The following PDE6B variants were observed in gnomAD, a reference collection of about 807,000 sequenced individuals.
PDE6B encodes phosphodiesterase 6B, also known as rod cGMP-specific 3',5'-cyclic phosphodiesterase subunit beta.
A neutral mutation model predicts 109.0 loss-of-function variants in PDE6B; 106 were observed. The ratio of observed to expected loss-of-function variants is 0.97; its 90% confidence interval spans 0.83 to 1.14. PDE6B has a LOEUF of 1.14. Ranked by LOEUF, PDE6B falls within the 50% of genes most tolerant of loss-of-function variation. The pLI, the probability that PDE6B is intolerant of heterozygous loss-of-function variation, is 0.00. For synonymous variants in PDE6B, 490 were observed against 471.3 expected, an observed-to-expected ratio of 1.04 and a Z score of -0.51; for missense variants, 1,193 against 1,155.6, an observed-to-expected ratio of 1.03 and a Z score of -0.47.
At chr4:657,264 C>T (rs891236317) in intron 9 of PDE6B, 87 bp from the exon 10 acceptor site, 17 of 1,500,870 alleles carry the variant, frequency 1.1e-5, no homozygotes, top group South Asian at 8.1e-5. Context: ...AGGACCTGCC[C>T]GCCGAGCCAC....
At position 665,891 on chromosome 4, in the gene PDE6B, G is replaced by A. The variant is rs535070653; in HGVS notation, c.2268+562G>A. Among the ~76,000 whole-genome samples the A allele has an allele frequency of 6.6e-6, 1 of 152,298 alleles. No individual in the cohort carries two copies. Among genetic ancestry groups the A allele is most frequent in the East Asian group, 1.9e-4 (1 of 5,172 alleles). ...TTCTCACACACCCGCTCTGGTGGGCGGCGAGGGGCTCTCTGGAGCCTGCAG... is the reference window on the plus strand; with the variant it reads ...TTCTCACACACCCGCTCTGGTGGGCAGCGAGGGGCTCTCTGGAGCCTGCAG... On this transcript the variant is annotated intron_variant, in intron 19 of 21. Coordinates refer to ENST00000496514, the MANE Select transcript of PDE6B (RefSeq NM_000283.4). This position sits in a 1 kb window ranked among gnomAD's most constrained non-coding sequence, Gnocchi z 4.0.
chr4:640,032 G>A (rs1734872854), intron 3 of PDE6B, among the ~76,000 whole-genome samples: 1 of 152,076 alleles, frequency 6.6e-6, no homozygotes, highest in Non-Finnish European at 1.5e-5. Flanking sequence ...GAGACCAGGA[G>A]CAGTGGCTCA....
chr4:658,361 C>T (rs1166684635), intron 10 of PDE6B, among the ~76,000 whole-genome samples: 1 of 128,616 alleles, frequency 7.8e-6, no homozygotes, highest in African/African-American at 3.0e-5. Context: ...GCAGGTCACC[C>T]AGGGGTCACA....
Position 662,535 on chromosome 4 carries a change from G to T in PDE6B, c.1749G>T (p.Thr583=), listed in dbSNP as rs139938205. The T allele has an allele frequency of 1.2e-5, 19 of 1,612,582 alleles. No individual in the cohort carries two copies. The highest frequency in any genetic ancestry group is 1.5e-5 in the Non-Finnish European group (18 of 1,179,492). Residue 583 remains threonine, a synonymous_variant, in exon 14 of 22, where the codon ACG becomes ACT. Transcript: ENST00000496514. This position sits in a 1 kb window ranked among gnomAD's most constrained non-coding sequence, Gnocchi z 4.3. ...LMTGKLKSYY[T]DLEAFAMVTA... The stretch of plus-strand genomic sequence containing the variant: ...CCGGCAAACTGAAGAGCTACTACAC[G>T]GACCTGGAGGCCTTCGCCATGGTGA...
At chr4:644,158 C>T (rs1735088605) in intron 3 of PDE6B, among the ~76,000 whole-genome samples, 1 of 151,900 alleles carries the variant, frequency 6.6e-6, no homozygotes, top group Non-Finnish European at 1.5e-5. Flanking sequence ...ACCTCGTGAT[C>T]TGCCCGCCTC....
chr4:632,754 C>T (rs1238940308), intron 1 of PDE6B, among the ~76,000 whole-genome samples: 1 of 150,454 alleles, frequency 6.6e-6, no homozygotes, highest in Non-Finnish European at 1.5e-5. Context: ...TGTGTGGATC[C>T]ATGTGGCACC....
Position 625,663 on chromosome 4 carries a change from G to A in PDE6B, c.37G>A (p.Asp13Asn), listed in dbSNP as rs1285867711. Reference sequence around the variant, plus strand: ...TGAGGAGCAGGCCCGGAGCTTTCTGGACCAGAACCCCGATTTTGCCCGCCA... The same window carrying A: ...TGAGGAGCAGGCCCGGAGCTTTCTGAACCAGAACCCCGATTTTGCCCGCCA... The part of the protein sequence containing the change: ...LSEEQARSFL[D>N]QNPDFARQYF... The change falls in exon 1 of 22, where the codon GAC becomes AAC. Residue 13 changes from aspartate to asparagine, a missense_variant. Coordinates refer to ENST00000496514, the MANE Select transcript of PDE6B (RefSeq NM_000283.4). The surrounding 1 kb of genome is among the most constrained non-coding windows in gnomAD (Gnocchi z 5.0). 1 of 1,613,980 alleles carries A rather than the reference G, an allele frequency of 6.2e-7. No individual in the cohort carries two copies. Among genetic ancestry groups the A allele is most frequent in the Admixed American group, 1.7e-5 (1 of 60,024 alleles).
intron 3 of PDE6B, among the ~76,000 whole-genome samples, chr4:642,306 C>T (rs1734983195): frequency 6.6e-6 from 1 of 151,844 alleles, no homozygotes; most frequent in Non-Finnish European, 1.5e-5. Flanking sequence ...AAACCCCCAT[C>T]TCTACTAAAA....
At position 634,838 on chromosome 4, in the gene PDE6B, G is replaced by T. The variant is rs1360878639; in HGVS notation, c.621+9G>T. Reference sequence around the variant, plus strand: ...CCAGCGAAGACGAAGATGTGAGTGTGGGGGGCACCTGGGCAGCCGCGCGTC... The same window carrying T: ...CCAGCGAAGACGAAGATGTGAGTGTTGGGGGCACCTGGGCAGCCGCGCGTC... On this transcript the variant is annotated intron_variant, in intron 2 of 21. Transcript: ENST00000496514. 6 of 1,612,758 alleles carry T rather than the reference G, an allele frequency of 3.7e-6. No homozygotes were observed. Among genetic ancestry groups the T allele is most frequent in the Non-Finnish European group, 5.1e-6 (6 of 1,178,840 alleles).
At chr4:654,471 G>A in intron 5 of PDE6B, 2 of 596,042 alleles carry the variant, frequency 3.4e-6, no homozygotes, top group South Asian at 3.8e-5. Context: ...GCGTGTGTGT[G>A]TGTGTGTGTG....
intron 11 of PDE6B, 25 bp from the exon 12 acceptor site, chr4:660,442 C>G (rs745399835): frequency 6.2e-7 from 1 of 1,613,090 alleles, no homozygotes; most frequent in South Asian, 1.1e-5. Context: ...GGCCAACCTC[C>G]CTCAGCCCAC....
Position 670,527 on chromosome 4 carries a change from C to T in PDE6B, c.*420C>T. ...GAAGTGCTGGGATTACAGGCATGAG[C>T]CACCACGCCCAGCCTGTTTTTATAA... On this transcript the variant is annotated 3_prime_UTR_variant, in exon 22 of 22. Coordinates refer to ENST00000496514, the MANE Select transcript of PDE6B (RefSeq NM_000283.4). The T allele has an allele frequency of 1.4e-5, 3 of 219,514 alleles. No individual in the cohort carries two copies. The highest frequency in any genetic ancestry group is 2.8e-5 in the Non-Finnish European group (3 of 107,498). 13.6% of individuals were successfully genotyped at this position (219,514 alleles called of 1,614,324 possible). A position where few individuals can be genotyped will look rare whatever the true frequency, so the allele number is the denominator to read the frequency against.
chr4:625,741 G>C lies in PDE6B; in HGVS notation c.115G>C (p.Gly39Arg). ...PENVAAACED[G>R]CPPDCDSLRD... ...GAATGTGGCCGCGGCCTGCGAGGAC[G>C]GGTGCCCGCCGGACTGCGACAGCCT... is the stretch of plus-strand genomic sequence containing the variant. Residue 39 changes from glycine (G) to arginine (R), a missense_variant, in exon 1 of 22, where the codon GGG becomes CGG. Physicochemically the swap from Gly to Arg is moderately radical, Grantham distance 125. Coordinates refer to ENST00000496514, the MANE Select transcript of PDE6B (RefSeq NM_000283.4). This position sits in a 1 kb window ranked among gnomAD's most constrained non-coding sequence, Gnocchi z 5.0. 1 of 1,613,432 alleles carries C rather than the reference G, an allele frequency of 6.2e-7. No individual in the cohort carries two copies. The highest frequency in any genetic ancestry group is 1.3e-5 in the African/African-American group (1 of 75,070).
At chr4:649,594 A>G (rs963328683) in intron 3 of PDE6B, among the ~76,000 whole-genome samples, 9 of 151,662 alleles carry the variant, frequency 5.9e-5, no homozygotes, top group Admixed American at 2.6e-4. Context: ...AAGACTGTTC[A>G]CTGGTGGACC....
intron 3 of PDE6B, among the ~76,000 whole-genome samples, chr4:651,367 G>A (rs996853985): frequency 9.2e-5 from 14 of 152,278 alleles, no homozygotes; most frequent in Admixed American, 9.1e-4. Context: ...TCCTCAGGGG[G>A]GGCCTCCTGG....
intron 3 of PDE6B, among the ~76,000 whole-genome samples, chr4:638,568 C>T (rs1734802532): frequency 6.6e-6 from 1 of 152,212 alleles, no homozygotes; most frequent in African/African-American, 2.4e-5. Flanking sequence ...AATGATCCTC[C>T]TGCCTCGGCC....
intron 1 of PDE6B, among the ~76,000 whole-genome samples, chr4:627,876 GTC>G (rs1734193462): frequency 6.6e-6 from 1 of 151,946 alleles, no homozygotes; most frequent in African/African-American, 2.4e-5. Context: ...GGCTGATGGT[GTC>G]TCTTCCCTGC....
Position 669,704 on chromosome 4 carries a change from C to G in PDE6B, c.2504-342C>G, listed in dbSNP as rs372201206. 1.0e-4 allele frequency among the ~76,000 whole-genome samples: 11 copies of G among 106,532 alleles called. No individual in the cohort carries two copies. In the East Asian group the frequency reaches 2.2e-3, roughly 22 times the overall value. The allele number at this position is 106,532 out of a possible 152,430, so 69.9% of individuals were successfully genotyped here. On this transcript the variant is annotated intron_variant, in intron 21 of 21. Coordinates refer to ENST00000496514, the MANE Select transcript of PDE6B (RefSeq NM_000283.4). Reference sequence around the variant, plus strand: ...CGCTACCCCATGCTATTCCCGCTACCCCATGCTATTCCCGCTACCCCATGC... The same window carrying G: ...CGCTACCCCATGCTATTCCCGCTACGCCATGCTATTCCCGCTACCCCATGC...
Position 660,597 on chromosome 4 carries a change from TCCAGATCCC to T in PDE6B, c.1603_1611del (p.Ile535_Gln537del). ...TACGAGCTGGGCGTGGTCCGAAAGT[TCCAGATCCC>T]CCAGGAGGTGGGAGACACCGCAGGG... is the stretch of plus-strand genomic sequence containing the variant. On this transcript the variant is annotated inframe_deletion, in exon 12 of 22. Coordinates refer to ENST00000496514, the MANE Select transcript of PDE6B (RefSeq NM_000283.4). 6.2e-7 allele frequency: 1 copy of T among 1,613,676 alleles called. No individual in the cohort carries two copies. The highest frequency in any genetic ancestry group is 1.7e-5 in the Admixed American group (1 of 60,016).
Sources: allele counts gnomAD v4.1 joint callset (sites outside exome capture counted in the v4.1 genomes callset), GRCh38; gene constraint gnomAD v4.1.1; non-coding constraint Gnocchi (gnomAD v3.1); transcripts MANE v1.5; gene names NCBI Gene and HGNC (gene_info 2026-07-23, HGNC 2026-07-21).